MAP3K19: variants seen among roughly 807,000 people sequenced by gnomAD.
MAP3K19 encodes the protein mitogen-activated protein kinase kinase kinase 19.
In MAP3K19, 91 loss-of-function variants were observed where a neutral mutation model predicts 114.4. That is an observed-to-expected ratio of 0.80 (90% CI 0.67 to 0.95). The LOEUF is 0.95. MAP3K19 is among the 40% of genes least tolerant of loss of function. The pLI, the probability that MAP3K19 is intolerant of heterozygous loss-of-function variation, is 0.00. For missense variants in MAP3K19, 1,471 were observed against 1,573.2 expected (o/e 0.94, Z 1.10); for synonymous variants, 518 against 530.5 (o/e 0.98, Z 0.32).
rs72974397 is a variant in MAP3K19, at chr2:134,990,546, G to A, written c.618+991C>T. On this transcript the variant is annotated intron_variant, in intron 9 of 12. Coordinates refer to ENST00000392915, the MANE Select transcript of MAP3K19 (RefSeq NM_025052.5). The stretch of plus-strand genomic sequence containing the variant: ...GGCTGGAGTCCGGTGGCATGATGTC[G>A]GGTCACTGCAACCTCCACCTTCCAG... 4.4e-3 allele frequency among the ~76,000 whole-genome samples: 661 copies of A among 151,374 alleles called. 2 individuals are homozygous for A. Among genetic ancestry groups the A allele is most frequent in the African/African-American group, 0.013 (537 of 41,194 alleles).
Position 134,985,788 on chromosome 2 carries a change from A to C in MAP3K19, c.3072+12T>G, listed in dbSNP as rs746237287. The C allele has an allele frequency of 6.3e-7, 1 of 1,578,908 alleles. No individual in the cohort carries two copies. ...CCCACCCCAATGAATCTTGGATTCTAATTATACCAACCTGTATTTTGACTT... is the reference window on the plus strand; with the variant it reads ...CCCACCCCAATGAATCTTGGATTCTCATTATACCAACCTGTATTTTGACTT... On this transcript the variant is annotated intron_variant, in intron 10 of 12. Coordinates refer to ENST00000392915, the MANE Select transcript of MAP3K19 (RefSeq NM_025052.5).
At position 134,980,829 on chromosome 2, in the gene MAP3K19, G is replaced by A. The variant is rs747572245; in HGVS notation, c.3912C>T (p.Cys1304=). ...TGCTTTCAGTTTCTTACCTGGTCAG[G>A]CACATGCGCACAAAGTCTGCTGCAT... is the stretch of plus-strand genomic sequence containing the variant. ...SENAADFVRM[C]LTRDQHERPS... Residue 1304 remains cysteine (C), a synonymous_variant, in exon 12 of 13, where the codon TGC becomes TGT. Coordinates refer to ENST00000392915, the MANE Select transcript of MAP3K19 (RefSeq NM_025052.5). The A allele has an allele frequency of 5.6e-6, 9 of 1,612,446 alleles. No individual in the cohort carries two copies. The highest frequency in any genetic ancestry group is 1.6e-4 in the Middle Eastern group (1 of 6,078).
intron 5 of MAP3K19, among the ~76,000 whole-genome samples, chr2:135,008,019 C>T (rs1419311944): frequency 6.6e-6 from 1 of 152,098 alleles, no homozygotes; most frequent in Non-Finnish European, 1.5e-5. Context: ...CTGGCTTTTT[C>T]ACTTAAGTGT....
intron 11 of MAP3K19, 57 bp downstream of exon 11, chr2:134,983,619 A>AG (rs1573940188): frequency 1.1e-6 from 1 of 929,534 alleles, no homozygotes; most frequent in Admixed American, 5.6e-5. Context: ...GGAGGGGTGG[A>AG]GGGAGGGACT....
chr2:134,988,885 T>A (rs1685364970), intron 9 of MAP3K19, among the ~76,000 whole-genome samples: 1 of 152,214 alleles, frequency 6.6e-6, no homozygotes, highest in African/African-American at 2.4e-5. Context: ...TTCTTTTTAC[T>A]TTCCATAGAA....
chr2:135,001,461 C>T (rs1686439997), intron 6 of MAP3K19, among the ~76,000 whole-genome samples: 2 of 152,162 alleles, frequency 1.3e-5, no homozygotes, highest in African/African-American at 4.8e-5. Flanking sequence ...GTCACCTAAC[C>T]CAAGCCTTTC....
chr2:135,041,260 A>G (rs529249253), intron 1 of MAP3K19, among the ~76,000 whole-genome samples: 3 of 151,900 alleles, frequency 2.0e-5, no homozygotes, highest in Non-Finnish European at 4.4e-5. Flanking sequence ...TAAATAACTC[A>G]TATCAGTTTT....
In MAP3K19 at chr2:134,964,633, A is replaced by T; in HGVS notation, c.*217T>A. ...AACACTGAAATAGTTTTTTGTTGTT[A>T]TTAAGAACATGTTTTCTGATACTAT... On this transcript the variant is annotated 3_prime_UTR_variant, in exon 13 of 13. Coordinates refer to ENST00000392915, the MANE Select transcript of MAP3K19 (RefSeq NM_025052.5). 1 of 369,576 alleles carries T rather than the reference A, an allele frequency of 2.7e-6. No individual in the cohort carries two copies. Among genetic ancestry groups the T allele is most frequent in the Non-Finnish European group, 5.0e-6 (1 of 200,294 alleles). 22.9% of individuals were successfully genotyped at this position (369,576 alleles called of 1,614,324 possible). A position where few individuals can be genotyped will look rare whatever the true frequency, so the allele number is the denominator to read the frequency against.
rs186711668 is a variant in MAP3K19 at position 134,980,896 on chromosome 2, T to C, written c.3845A>G (p.His1282Arg). ...RMAAMFYIGAHRGLMPPLPDH... is the reference protein window; with the variant it reads ...RMAAMFYIGARRGLMPPLPDH... ...TGGTAAAGGAGGCATCAGCCCTCGGTGTGCTCCGATGTAAAACATGGCGGC... is the reference window on the plus strand; with the variant it reads ...TGGTAAAGGAGGCATCAGCCCTCGGCGTGCTCCGATGTAAAACATGGCGGC... Residue 1282 changes from histidine to arginine, a missense_variant, in exon 12 of 13, where the codon CAC becomes CGC. By Grantham distance (29) the His-to-Arg change is conservative. Transcript: ENST00000392915. 8.1e-6 allele frequency: 13 copies of C among 1,614,236 alleles called. No homozygotes were observed. In the African/African-American group the frequency reaches 1.6e-4, roughly 20 times the overall value.
intron 12 of MAP3K19, among the ~76,000 whole-genome samples, chr2:134,965,147 A>AT (rs1683248635): frequency 6.6e-6 from 1 of 152,236 alleles, no homozygotes; most frequent in Non-Finnish European, 1.5e-5. Flanking sequence ...TGGGAGAATT[A>AT]AATAATATAT....
chr2:134,967,001 G>A (rs1343742557), intron 12 of MAP3K19, among the ~76,000 whole-genome samples: 1 of 152,198 alleles, frequency 6.6e-6, no homozygotes, highest in African/African-American at 2.4e-5. Context: ...TTTCTTTGCT[G>A]AGATGTTGTT....
chr2:135,034,070 GCAGAGATGCTCCTCACCTCC>G (rs1182158807), intron 2 of MAP3K19, among the ~76,000 whole-genome samples: 2 of 86,762 alleles, frequency 2.3e-5, no homozygotes, highest in East Asian at 7.4e-4. Context: ...GGGCGGCCGG[GCAGAGATGCTCCTCACCTCC>G]CAGACGGGGT....
chr2:135,022,533 C>T (rs1227856360), intron 4 of MAP3K19, among the ~76,000 whole-genome samples: 1 of 152,118 alleles, frequency 6.6e-6, no homozygotes, highest in African/African-American at 2.4e-5. Flanking sequence ...CTGGCTCAAT[C>T]GATACTGTAT....
Position 135,027,730 on chromosome 2 carries a change from T to C in MAP3K19, c.-95+2582A>G, listed in dbSNP as rs1174240769. Among the ~76,000 whole-genome samples the C allele has an allele frequency of 3.9e-5, 6 of 152,388 alleles. No individual in the cohort carries two copies. In the East Asian group the frequency reaches 9.6e-4, roughly 24 times the overall value. On this transcript the variant is annotated intron_variant, in intron 3 of 12. Coordinates refer to ENST00000392915, the MANE Select transcript of MAP3K19 (RefSeq NM_025052.5). ...AGCTTTATTTCTGTTGTGTTTTTAC[T>C]GCATAGCTCTTTATGCTAATCTTTG...
intron 5 of MAP3K19, among the ~76,000 whole-genome samples, chr2:135,020,022 TC>T (rs1292851987): frequency 6.6e-6 from 1 of 150,536 alleles, no homozygotes; most frequent in Non-Finnish European, 1.5e-5. Flanking sequence ...CCTTTTCTTT[TC>T]CTTTTTTTTT....
chr2:135,043,949 T>A (rs1369074232), intron 1 of MAP3K19, among the ~76,000 whole-genome samples: 1 of 152,234 alleles, frequency 6.6e-6, no homozygotes, highest in African/African-American at 2.4e-5. Flanking sequence ...TGTTACTCCT[T>A]TTGATTTAAA....
chr2:134,994,195 C>A (rs1019026301), intron 8 of MAP3K19, among the ~76,000 whole-genome samples: 4 of 152,178 alleles, frequency 2.6e-5, no homozygotes, highest in African/African-American at 9.7e-5. Flanking sequence ...GCAATATCAA[C>A]ATTTTGGACA....
chr2:134,989,235 T>C (rs1685386384), intron 9 of MAP3K19, among the ~76,000 whole-genome samples: 1 of 152,232 alleles, frequency 6.6e-6, no homozygotes, highest in Non-Finnish European at 1.5e-5. Context: ...TTGCGGGCAG[T>C]AAGCTATAAA....
At chr2:135,044,777 G>T (rs1275041675) in intron 1 of MAP3K19, among the ~76,000 whole-genome samples, 1 of 152,062 alleles carries the variant, frequency 6.6e-6, no homozygotes, top group African/African-American at 2.4e-5. Context: ...CTTCAGCTCT[G>T]ATCCCCTCTG....
Sources: allele counts gnomAD v4.1 joint callset (sites outside exome capture counted in the v4.1 genomes callset), GRCh38; gene constraint gnomAD v4.1.1; transcripts MANE v1.5; gene names NCBI Gene and HGNC (gene_info 2026-07-23, HGNC 2026-07-21).